INVS: variants seen among roughly 807,000 people sequenced by gnomAD.
INVS encodes the protein inversion of embryo turning homolog.
Under a neutral mutation model 108.8 loss-of-function variants are expected in INVS, and 86 were observed. The observed-to-expected ratio is 0.79, with a 90% CI of 0.66 to 0.95. The LOEUF (loss-of-function observed/expected upper bound fraction) is 0.95, where lower values mean the gene tolerates loss of function less well. Among genes scored for constraint, INVS ranks in the 40% least tolerant of loss-of-function variants. The pLI is 0.00. For synonymous variants in INVS, 455 were observed against 473.5 expected (o/e 0.96, Z 0.51); for missense variants, 1,169 against 1,297.4 (o/e 0.90, Z 1.52).
At chr9:100,119,597 C>T (rs1372056200) in intron 2 of INVS, among the ~76,000 whole-genome samples, 1 of 152,222 alleles carries the variant, frequency 6.6e-6, no homozygotes, top group Non-Finnish European at 1.5e-5. Flanking sequence ...CACTCTGTCA[C>T]CCAGGCTCGA....
intron 2 of INVS, among the ~76,000 whole-genome samples, chr9:100,126,090 A>G (rs565047491): frequency 6.6e-6 from 1 of 152,324 alleles, no homozygotes; most frequent in South Asian, 2.1e-4. Flanking sequence ...TGAGGGAGGA[A>G]CATAAGTAGC....
chr9:100,122,576 C>CTTTTTTTTTTTTTTT (rs1161036698), intron 2 of INVS, among the ~76,000 whole-genome samples: 3 of 57,532 alleles, frequency 5.2e-5, no homozygotes, highest in Non-Finnish European at 3.1e-5. Context: ...AAGTGAGTTT[C>CTTTTTTTTTTTTTTT]TTTTTTTTTT....
At chr9:100,117,602 GC>G in intron 2 of INVS, 4 of 672,472 alleles carry the variant, frequency 5.9e-6, no homozygotes, top group Admixed American at 2.7e-5. Flanking sequence ...AGGGCCTCCG[GC>G]CCCCCGCCCC....
At chr9:100,297,369 CATA>C (rs1001930082) in intron 15 of INVS, among the ~76,000 whole-genome samples, 35 of 152,258 alleles carry the variant, frequency 2.3e-4, no homozygotes, top group African/African-American at 8.4e-4. Flanking sequence ...GATACTGGGT[CATA>C]ATTGTTTGGT....
chr9:100,223,102 A>AT lies in INVS; in HGVS notation c.274-2949dup, dbSNP rs936194282. Among the ~76,000 whole-genome samples the AT allele has an allele frequency of 4.9e-3, 722 of 147,872 alleles. 1 individual carries two copies. The highest frequency in any genetic ancestry group is 7.4e-3 in the Non-Finnish European group (494 of 66,566). On this transcript the variant is annotated intron_variant, in intron 3 of 16. Transcript: ENST00000262457. ...TCATTTATTTATTTATTTATTTTTA[A>AT]TTTTTTTTTTTGAGACAGAGTCTCA...
chr9:100,133,405 G>T (rs1238002467), intron 3 of INVS, among the ~76,000 whole-genome samples: 1 of 151,088 alleles, frequency 6.6e-6, no homozygotes, highest in Non-Finnish European at 1.5e-5. Flanking sequence ...ATATTATTTT[G>T]CATCTTTAAA....
Position 100,126,479 on chromosome 9 carries a change from T to TGAAG in INVS, c.205_208dup (p.Ala70GlufsTer8). ...AGATTGGATTGTGCAGATGCTCTTCTGAAGGCAGGAGCAGATGTGAATAAA... is the reference window on the plus strand; with the variant it reads ...AGATTGGATTGTGCAGATGCTCTTCTGAAGGAAGGCAGGAGCAGATGTGAATAAA... On this transcript the variant is annotated frameshift_variant, in exon 3 of 17. Transcript: ENST00000262457. LOFTEE classifies it high-confidence loss of function. The TGAAG allele has an allele frequency of 6.2e-7, 1 of 1,614,106 alleles. No individual in the cohort carries two copies. Among genetic ancestry groups the TGAAG allele is most frequent in the African/African-American group, 1.3e-5 (1 of 75,058 alleles).
chr9:100,146,080 G>A (rs1828600983), intron 3 of INVS, among the ~76,000 whole-genome samples: 1 of 136,120 alleles, frequency 7.3e-6, no homozygotes, highest in African/African-American at 3.3e-5. Flanking sequence ...GATCTCCCAA[G>A]GGAGGTCCCC....
At chr9:100,117,610 C>A in intron 2 of INVS, 1 of 630,492 alleles carries the variant, frequency 1.6e-6, no homozygotes, top group South Asian at 1.9e-5. Context: ...CGGCCCCCCG[C>A]CCCCCCCGCC....
intron 3 of INVS, among the ~76,000 whole-genome samples, chr9:100,152,297 G>A (rs1292570639): frequency 6.6e-6 from 1 of 152,090 alleles, no homozygotes; most frequent in Non-Finnish European, 1.5e-5. Flanking sequence ...GGTTCATCAT[G>A]TAACCTACCC....
chr9:100,258,710 C>T (rs1053530453), intron 10 of INVS, among the ~76,000 whole-genome samples: 1 of 152,196 alleles, frequency 6.6e-6, no homozygotes, highest in Non-Finnish European at 1.5e-5. Flanking sequence ...CTGGGTATCA[C>T]CAGCGGAGGC....
chr9:100,248,691 G>A (rs942604038), intron 8 of INVS, among the ~76,000 whole-genome samples: 2 of 152,056 alleles, frequency 1.3e-5, no homozygotes, highest in Non-Finnish European at 2.9e-5. Context: ...TCAGCTTCGT[G>A]TTGATCCTTT....
chr9:100,160,886 C>T (rs559062584), intron 3 of INVS, among the ~76,000 whole-genome samples: 48 of 132,654 alleles, frequency 3.6e-4, no homozygotes, highest in Non-Finnish European at 6.2e-4. Context: ...ACCCGGGAGG[C>T]GGAGGTTGCA....
At chr9:100,149,809 T>G (rs1373031774) in intron 3 of INVS, among the ~76,000 whole-genome samples, 1 of 152,212 alleles carries the variant, frequency 6.6e-6, no homozygotes, top group Non-Finnish European at 1.5e-5. Context: ...AAACTTCATT[T>G]AGCTTCATAG....
chr9:100,232,004 T>C (rs1831528775), intron 5 of INVS, among the ~76,000 whole-genome samples: 1 of 152,196 alleles, frequency 6.6e-6, no homozygotes, highest in Non-Finnish European at 1.5e-5. Flanking sequence ...CCACATCTTC[T>C]CCAGCATCTG....
chr9:100,202,682 G>A (rs1469446405), intron 3 of INVS, among the ~76,000 whole-genome samples: 7 of 152,120 alleles, frequency 4.6e-5, no homozygotes, highest in Non-Finnish European at 1.0e-4. Context: ...GGGGCCTTCA[G>A]AATTAAAGAA....
At chr9:100,298,396 A>G (rs1470671430) in intron 16 of INVS, 1 of 877,452 alleles carries the variant, frequency 1.1e-6, no homozygotes, top group Non-Finnish European at 1.4e-6. Flanking sequence ...AACACCATGA[A>G]GAGAACACTG....
chr9:100,290,913 A>T lies in INVS; in HGVS notation c.2069-1413A>T, dbSNP rs556247749. Among the ~76,000 whole-genome samples, 4 of 152,030 alleles carry T rather than the reference A, an allele frequency of 2.6e-5. No homozygotes were observed. The East Asian group carries it at 7.7e-4, about 29-fold the overall frequency. ...GTTTTATTTTTAGAAATGGGGTCTCACTATGTTGTCCCGGCTTGTCTCAGA... is the reference window on the plus strand; with the variant it reads ...GTTTTATTTTTAGAAATGGGGTCTCTCTATGTTGTCCCGGCTTGTCTCAGA... On this transcript the variant is annotated intron_variant, in intron 13 of 16. Transcript: ENST00000262457.
chr9:100,160,183 T>C (rs1369235917), intron 3 of INVS, among the ~76,000 whole-genome samples: 1 of 152,216 alleles, frequency 6.6e-6, no homozygotes, highest in Non-Finnish European at 1.5e-5. Context: ...TTCCACTCTC[T>C]ACGCATGGAG....
Sources: gnomAD v4.1 joint callset for allele counts (sites outside exome capture counted in the v4.1 genomes callset) on GRCh38, gnomAD v4.1.1 for gene constraint, MANE v1.5 for transcripts, NCBI Gene and HGNC (gene_info 2026-07-23, HGNC 2026-07-21) for gene names.